NEB: variants seen among roughly 807,000 people sequenced by gnomAD.
The protein encoded by NEB is nemaline myopathy type 2.
A neutral mutation model predicts 952.2 loss-of-function variants in NEB; 512 were observed. That is an observed-to-expected ratio of 0.54 (90% CI 0.50 to 0.58). The LOEUF (loss-of-function observed/expected upper bound fraction) is 0.58, where lower values mean the gene tolerates loss of function less well. NEB is among the 20% of genes least tolerant of loss of function. The pLI is 0.00. For missense variants in NEB, 8,428 were observed against 9,231.1 expected (o/e 0.91, Z 3.56); for synonymous variants, 2,900 against 3,149.8 (o/e 0.92, Z 2.66).
rs772128314 is a variant in NEB at position 151,672,566 on chromosome 2, G to A, written c.4102C>T (p.Arg1368Cys). Residue 1368 changes from arginine (R) to cysteine (C), a missense_variant, in exon 37 of 182, where the codon CGT becomes TGT. Coordinates refer to ENST00000397345, the MANE Select transcript of NEB (RefSeq NM_001164508.2). ...YMNVAKLQSD[R>C]EYKKNYENTK... ...TTCTCATAGTTCTTCTTGTATTCAC[G>A]ATCAGACTGCAGCTTTGCCACATTC... 6.8e-6 allele frequency: 11 copies of A among 1,613,836 alleles called. No homozygotes were observed. Among genetic ancestry groups the A allele is most frequent in the East Asian group, 2.2e-5 (1 of 44,900 alleles).
In NEB at chr2:151,612,364, C is replaced by G; in HGVS notation, c.11627G>C (p.Trp3876Ser). 1 of 1,613,732 alleles carries G rather than the reference C, an allele frequency of 6.2e-7. No individual in the cohort carries two copies. Residue 3876 changes from tryptophan (W) to serine (S), a missense_variant, in exon 78 of 182, where the codon TGG (tryptophan) becomes TCG (serine). By Grantham distance (177) the Trp-to-Ser change is radical. Around this residue, in one of 11 missense-constraint regions of NEB, gnomAD observed 337 missense variants for 297.5 expected, o/e 1.13. Transcript: ENST00000397345. Reference sequence around the variant, plus strand: ...GGGAACCCATCCTATGCCTCTCAGCCACTCAAGATCAGATTTGTAAATAGC... The same window carrying G: ...GGGAACCCATCCTATGCCTCTCAGCGACTCAAGATCAGATTTGTAAATAGC... Reference protein sequence around the residue: ...SDAIYKSDLEWLRGIGWVPIG... With the variant: ...SDAIYKSDLESLRGIGWVPIG...
In NEB at chr2:151,664,542, C is replaced by T. The variant is rs369275207; in HGVS notation, c.5410G>A (p.Ala1804Thr). Reference protein sequence around the residue: ...KGYDLRPDAIAIKAARASRDI... With the variant: ...KGYDLRPDAITIKAARASRDI... ...CTAGAGGCTCTTGCAGCCTTTATTGCAATGGCATCAGGCCTCAGGTCATAT... is the reference window on the plus strand; with the variant it reads ...CTAGAGGCTCTTGCAGCCTTTATTGTAATGGCATCAGGCCTCAGGTCATAT... The change falls in exon 44 of 182, where the codon GCA (alanine) becomes ACA (threonine). Residue 1804 changes from alanine to threonine, a missense_variant. Physicochemically the swap from Ala to Thr is moderately conservative, Grantham distance 58. Coordinates refer to ENST00000397345, the MANE Select transcript of NEB (RefSeq NM_001164508.2). 1.9e-5 allele frequency: 30 copies of T among 1,607,272 alleles called. No individual in the cohort carries two copies. In the African/African-American group the frequency reaches 4.0e-4, roughly 22 times the overall value.
Position 151,694,617 on chromosome 2 carries a change from G to T in NEB, c.1687C>A (p.Gln563Lys). 1 of 1,584,842 alleles carries T rather than the reference G, an allele frequency of 6.3e-7. No individual in the cohort carries two copies. Among genetic ancestry groups the T allele is most frequent in the African/African-American group, 1.3e-5 (1 of 74,456 alleles). ...AYNLSDNLYK[Q>K]DWEKSKAKKF... ...TTGGCTTTGCTCTTCTCCCAGTCTT[G>T]CTTATAAAGATTCTGGACAAAAAAA... The change falls in exon 19 of 182, where the codon CAA (glutamine) becomes AAA (lysine). Residue 563 changes from glutamine (Q) to lysine (K), a missense_variant. By Grantham distance (53) the Gln-to-Lys change is moderately conservative. This residue lies in a region of NEB where 2,851 missense variants were observed against 2,791.5 expected (regional missense o/e 1.02). Coordinates refer to ENST00000397345, the MANE Select transcript of NEB (RefSeq NM_001164508.2).
chr2:151,508,891 AT>A (rs1411210266), intron 161 of NEB, among the ~76,000 whole-genome samples: 2 of 152,152 alleles, frequency 1.3e-5, no homozygotes, highest in African/African-American at 4.8e-5. Context: ...CAAACTGATG[AT>A]TGTTTTTATT....
Position 151,679,987 on chromosome 2 carries a change from G to A in NEB, c.3078C>T (p.His1026=), listed in dbSNP as rs768759490. 3.7e-6 allele frequency: 6 copies of A among 1,612,836 alleles called. No individual in the cohort carries two copies. Among genetic ancestry groups the A allele is most frequent in the Non-Finnish European group, 4.2e-6 (5 of 1,178,826 alleles). The change falls in exon 31 of 182, where the codon CAC becomes CAT. Residue 1026 remains histidine, a synonymous_variant. Transcript: ENST00000397345. ...GCAGGTCTGGTGGCAGGTTGTATTT[G>A]TGAATAATTTCCTCTCCTTTGGCTT... ...AYKAKGEEII[H]KYNLPPDLPQ... is the part of the protein sequence containing the mutation.
chr2:151,506,291 A>C (rs1490641900), intron 163 of NEB, 33 bp from the exon 164 acceptor site: 1 of 1,507,976 alleles, frequency 6.6e-7, no homozygotes, highest in African/African-American at 1.4e-5. Flanking sequence ...GTGTTAACAC[A>C]GAAGAAAAGA....
Position 151,554,973 on chromosome 2 carries a change from CGG to C in NEB, c.19384_19385del (p.Pro6462GlufsTer12), listed in dbSNP as rs1559871924. On this transcript the variant is annotated frameshift_variant, in exon 125 of 182. Transcript: ENST00000397345. LOFTEE classifies it high-confidence loss of function. ...CAACTCGGAGGCACCGTGCTGTGTTCGGATCATCGTCAACACTTCTTGGTAAC... is the reference window on the plus strand; with the variant it reads ...CAACTCGGAGGCACCGTGCTGTGTTCATCATCGTCAACACTTCTTGGTAAC... ...YTLPRSVDDD[P>X]NTARCLRVGK... The C allele has an allele frequency of 1.9e-6, 3 of 1,613,676 alleles. No homozygotes were observed. The African/African-American group carries it at 4.0e-5, about 22-fold the overall frequency.
In NEB at chr2:151,619,780, G is replaced by A; in HGVS notation, c.10561-18C>T. 6.3e-7 allele frequency: 1 copy of A among 1,591,068 alleles called. No individual in the cohort carries two copies. On this transcript the variant is annotated intron_variant, in intron 72 of 181. Coordinates refer to ENST00000397345, the MANE Select transcript of NEB (RefSeq NM_001164508.2). ...TATTTGTACTGAAAGAGAGAATCCA[G>A]TAAATAAGAAGGAAGCACAAAGGGC... is the stretch of plus-strand genomic sequence containing the variant.
At chr2:151,617,498 AGAGAG>A in intron 74 of NEB, 30 bp from the exon 75 acceptor site, 1 of 1,353,374 alleles carries the variant, frequency 7.4e-7, no homozygotes, top group Non-Finnish European at 1.0e-6. Flanking sequence ...AGAGAGAGAG[AGAGAG>A]AAAAATTATT....
Position 151,531,044 on chromosome 2 carries a change from C to A in NEB, c.21580G>T (p.Asp7194Tyr). Residue 7194 changes from aspartate (D) to tyrosine (Y), a missense_variant, in exon 145 of 182, where the codon GAC becomes TAC. Physicochemically the swap from Asp to Tyr is radical, Grantham distance 160 (BLOSUM62 -3). This residue lies in a region of NEB where 3,374 missense variants were observed against 3,651.5 expected (regional missense o/e 0.92). Transcript: ENST00000397345. ...CGGACATGCAGCAACATGGGTGTGT[C>A]GTGGATTGTGGTGTAGCCTCTGGGT... is the stretch of plus-strand genomic sequence containing the variant. ...AKPRGYTTIH[D>Y]TPMLLHVRKV... 1 of 1,613,530 alleles carries A rather than the reference C, an allele frequency of 6.2e-7. No individual in the cohort carries two copies. The highest frequency in any genetic ancestry group is 8.5e-7 in the Non-Finnish European group (1 of 1,179,700).
In NEB at chr2:151,535,683, A is replaced by T. The variant is rs756535543; in HGVS notation, c.21312+8T>A. On this transcript the variant is annotated splice_region_variant and intron_variant, in intron 142 of 181. Transcript: ENST00000397345. ...TAGGCTTAATTGGAGCAGTTTATTC[A>T]TACATACCTCATTCATCAATTGAGT... The T allele has an allele frequency of 7.6e-6, 12 of 1,573,270 alleles. No individual in the cohort carries two copies. The highest frequency in any genetic ancestry group is 1.7e-5 in the Admixed American group (1 of 58,138).
chr2:151,497,065 C>T, intron 171 of NEB, 32 bp from the exon 172 acceptor site: 2 of 1,547,054 alleles, frequency 1.3e-6, no homozygotes, highest in Non-Finnish European at 1.8e-6. Context: ...AGAAAAACAA[C>T]CATGAGTAAC....
chr2:151,723,746 C>CTTTTTTTTTTTTTTTTT (rs1336447502), intron 8 of NEB, among the ~76,000 whole-genome samples: 1 of 55,914 alleles, frequency 1.8e-5, no homozygotes, highest in African/African-American at 7.3e-5. Context: ...TACCTGCCTT[C>CTTTTTTTTTTTTTTTTT]TTTGTTTTTT....
intron 32 of NEB, among the ~76,000 whole-genome samples, 155 bp downstream of exon 32, chr2:151,679,566 A>T (rs2099399062): frequency 6.6e-6 from 1 of 152,184 alleles, no homozygotes; most frequent in African/African-American, 2.4e-5. Context: ...AGAAAATTTA[A>T]ATCTATTTAG....
chr2:151,655,183 C>T (rs1020709701), intron 51 of NEB, 87 bp downstream of exon 51: 3 of 787,418 alleles, frequency 3.8e-6, no homozygotes, highest in South Asian at 2.1e-5. Flanking sequence ...ATTGCTTCAA[C>T]ATTTATATCA....
At chr2:151,725,022 A>ACATGCTATATACTCTTAT (rs2099786227) in intron 6 of NEB, 61 bp from the exon 7 acceptor site, 6 of 1,279,794 alleles carry the variant, frequency 4.7e-6, no homozygotes, top group Admixed American at 3.5e-5. Flanking sequence ...TATATTAAGG[A>ACATGCTATATACTCTTAT]ATTTCTTATA....
chr2:151,684,831 G>A lies in NEB; in HGVS notation c.2782C>T (p.Pro928Ser), dbSNP rs770678983. 13 of 1,613,346 alleles carry A rather than the reference G, an allele frequency of 8.1e-6. No homozygotes were observed. In the East Asian group the frequency reaches 2.2e-4, roughly 28 times the overall value. The change falls in exon 28 of 182, where the codon CCT becomes TCT. Residue 928 changes from proline to serine, a missense_variant. Around this residue, in one of 11 missense-constraint regions of NEB, gnomAD observed 2,851 missense variants for 2,791.5 expected, o/e 1.02. Coordinates refer to ENST00000397345, the MANE Select transcript of NEB (RefSeq NM_001164508.2). Reference sequence around the variant, plus strand: ...GCAAGGTCCACATTGATGCTATCAGGGGGGTAGCTGTAACTGTGTAAGATG... The same window carrying A: ...GCAAGGTCCACATTGATGCTATCAGAGGGGTAGCTGTAACTGTGTAAGATG... ...KHILHSYSYP[P>S]DSINVDLAKK...
chr2:151,643,883 A>C lies in NEB; in HGVS notation c.7891T>G (p.Trp2631Gly). The C allele has an allele frequency of 6.2e-7, 1 of 1,614,018 alleles. No homozygotes were observed. Among genetic ancestry groups the C allele is most frequent in the Non-Finnish European group, 8.5e-7 (1 of 1,179,882 alleles). ...DVDYKNYLHQ[W>G]TCLPDQSDVI... Reference sequence around the variant, plus strand: ...TCGCTCTGGTCGGGCAGGCATGTCCACTGGTGCAGGTAGTTCTTGTAGTCC... The same window carrying C: ...TCGCTCTGGTCGGGCAGGCATGTCCCCTGGTGCAGGTAGTTCTTGTAGTCC... The change falls in exon 57 of 182, where the codon TGG becomes GGG. Residue 2631 changes from tryptophan (W) to glycine (G), a missense_variant. Physicochemically the swap from Trp to Gly is radical, Grantham distance 184. This residue lies in a region of NEB where 1,772 missense variants were observed against 1,960.3 expected (regional missense o/e 0.90). Coordinates refer to ENST00000397345, the MANE Select transcript of NEB (RefSeq NM_001164508.2).
At chr2:151,611,121 T>C (rs938131389) in intron 78 of NEB, among the ~76,000 whole-genome samples, 10 of 152,192 alleles carry the variant, frequency 6.6e-5, no homozygotes, top group Admixed American at 5.2e-4. Context: ...GTAATTCTTT[T>C]CATCCACTGA....
Sources: gnomAD v4.1 joint callset for allele counts (sites outside exome capture counted in the v4.1 genomes callset) on GRCh38, gnomAD v4.1.1 for gene constraint, gnomAD v4.1.1 regional missense constraint, MANE v1.5 for transcripts, NCBI Gene and HGNC (gene_info 2026-07-23, HGNC 2026-07-21) for gene names.